ANKRD45: variants seen among roughly 807,000 people sequenced by gnomAD.
ANKRD45 encodes ankyrin repeat domain-containing protein 45.
In ANKRD45, 21 loss-of-function variants were observed where a neutral mutation model predicts 28.1. That is an observed-to-expected ratio of 0.75 (90% CI 0.53 to 1.08). The LOEUF (loss-of-function observed/expected upper bound fraction) is 1.08, where lower values mean the gene tolerates loss of function less well. Ranked by LOEUF, ANKRD45 falls within the 50% of genes least tolerant of loss-of-function variation. The pLI is 0.00. For synonymous variants in ANKRD45, 86 were observed against 103.9 expected, an observed-to-expected ratio of 0.83 and a Z score of 1.05; for missense variants, 261 against 308.7, an observed-to-expected ratio of 0.85 and a Z score of 1.16.
upstream of ANKRD45, among the ~76,000 whole-genome samples, chr1:173,671,200 C>G (rs537829427): frequency 3.2e-3 from 492 of 152,170 alleles, 1 homozygote; most frequent in African/African-American, 0.011. Flanking sequence ...TCTCCCTCCC[C>G]TCTGACTTCT....
chr1:173,620,410 CAA>C (rs1319378626), intron 5 of ANKRD45, among the ~76,000 whole-genome samples: 1 of 152,128 alleles, frequency 6.6e-6, no homozygotes, highest in Admixed American at 6.5e-5. Context: ...CTAATGAGAA[CAA>C]AGAGACAATG....
At chr1:173,668,557 A>G (rs544046736) in intron 1 of ANKRD45, among the ~76,000 whole-genome samples, 34 of 152,350 alleles carry the variant, frequency 2.2e-4, no homozygotes, top group Middle Eastern at 3.4e-3. Flanking sequence ...AGCCATCCAC[A>G]TAGCCAGGGC....
At chr1:173,705,642 G>A in the ANKRD45 span, among the ~76,000 whole-genome samples, 1 of 151,904 alleles carries the variant, frequency 6.6e-6, no homozygotes, top group African/African-American at 2.4e-5. Flanking sequence ...ACTGTAGCCT[G>A]GGTGATAAAG....
intron 2 of ANKRD45, among the ~76,000 whole-genome samples, chr1:173,652,968 C>A (rs1306281176): frequency 6.6e-6 from 1 of 151,964 alleles, no homozygotes; most frequent in Non-Finnish European, 1.5e-5. Flanking sequence ...TTTATTGTGT[C>A]TATTTGATTC....
At chr1:173,686,579 G>A in the ANKRD45 span, among the ~76,000 whole-genome samples, 3 of 152,152 alleles carry the variant, frequency 2.0e-5, no homozygotes, top group Admixed American at 2.0e-4. Flanking sequence ...TGGTACCTGT[G>A]CTAAAAGACT....
the ANKRD45 span, among the ~76,000 whole-genome samples, chr1:173,690,298 A>G: frequency 6.6e-6 from 1 of 151,930 alleles, no homozygotes; most frequent in Admixed American, 6.6e-5. Context: ...TAGAGGGGGA[A>G]TTTGGAATGG....
At chr1:173,614,770 TC>T (rs1433374642) in intron 5 of ANKRD45, among the ~76,000 whole-genome samples, 3 of 152,122 alleles carry the variant, frequency 2.0e-5, no homozygotes, top group African/African-American at 7.2e-5. Context: ...AGGTGTAGTG[TC>T]CTGTTTTTGG....
intron 2 of ANKRD45, among the ~76,000 whole-genome samples, chr1:173,656,627 C>G (rs1398343019): frequency 6.6e-6 from 1 of 152,142 alleles, no homozygotes; most frequent in Non-Finnish European, 1.5e-5. Flanking sequence ...AACCAATTCA[C>G]AGAAACTCTG....
upstream of ANKRD45, among the ~76,000 whole-genome samples, chr1:173,673,244 G>C (rs188475358): frequency 6.6e-6 from 1 of 151,802 alleles, no homozygotes; most frequent in Admixed American, 6.6e-5. Context: ...CCAAGTAGCT[G>C]GGATTACAGG....
At chr1:173,683,174 T>C in the ANKRD45 span, among the ~76,000 whole-genome samples, 1 of 152,138 alleles carries the variant, frequency 6.6e-6, no homozygotes, top group African/African-American at 2.4e-5. Flanking sequence ...CTTATATGAT[T>C]ACTGAGCACT....
chr1:173,707,230 T>C, the ANKRD45 span, among the ~76,000 whole-genome samples: 68 of 151,132 alleles, frequency 4.5e-4, no homozygotes, highest in Admixed American at 1.7e-3. Flanking sequence ...CTAATTGTCA[T>C]TTTTTTTTAC....
At chr1:173,684,398 C>T in the ANKRD45 span, among the ~76,000 whole-genome samples, 2 of 152,038 alleles carry the variant, frequency 1.3e-5, no homozygotes, top group African/African-American at 2.4e-5. Flanking sequence ...AAAGAAGAAG[C>T]TTCTCTGGGT....
chr1:173,650,056 A>G (rs1050160747), intron 2 of ANKRD45, among the ~76,000 whole-genome samples: 3 of 152,208 alleles, frequency 2.0e-5, no homozygotes, highest in African/African-American at 7.2e-5. Flanking sequence ...GTGGTCTTTC[A>G]TATAAATCAA....
At chr1:173,620,165 C>T (rs1171314859) in intron 5 of ANKRD45, among the ~76,000 whole-genome samples, 2 of 152,194 alleles carry the variant, frequency 1.3e-5, no homozygotes, top group African/African-American at 4.8e-5. Context: ...CTTCTCATCA[C>T]CACGTGGCAC....
intron 4 of ANKRD45, among the ~76,000 whole-genome samples, chr1:173,625,729 A>G (rs1667907141): frequency 6.6e-6 from 1 of 152,050 alleles, no homozygotes; most frequent in Admixed American, 6.5e-5. Context: ...TATAAGTGTG[A>G]TCTCATTTTT....
At chr1:173,612,437 G>A (rs1003151219) in intron 5 of ANKRD45, among the ~76,000 whole-genome samples, 38 of 152,272 alleles carry the variant, frequency 2.5e-4, no homozygotes, top group Admixed American at 1.2e-3. Context: ...TATTTCTCCA[G>A]AGAAAATACA....
chr1:173,659,908 A>G (rs1669705911), intron 1 of ANKRD45, among the ~76,000 whole-genome samples: 1 of 152,208 alleles, frequency 6.6e-6, no homozygotes, highest in Non-Finnish European at 1.5e-5. Flanking sequence ...TAAATTGTGA[A>G]AACCAGAATC....
At chr1:173,635,281 C>A (rs2102338687) in intron 3 of ANKRD45, 1 of 402,414 alleles carries the variant, frequency 2.5e-6, no homozygotes, top group Admixed American at 4.1e-5. Flanking sequence ...TGAACTTATC[C>A]CTGAGTCACT....
chr1:173,648,593 G>A (rs1263622014), intron 2 of ANKRD45, among the ~76,000 whole-genome samples: 2 of 152,136 alleles, frequency 1.3e-5, no homozygotes, highest in African/African-American at 4.8e-5. Context: ...GCAACACTTA[G>A]CTTAGGAATC....
Sources: allele counts gnomAD v4.1 joint callset (sites outside exome capture counted in the v4.1 genomes callset), GRCh38; gene constraint gnomAD v4.1.1; transcripts MANE v1.5; gene names NCBI Gene and HGNC (gene_info 2026-07-23, HGNC 2026-07-21).